WDR72: variants seen among roughly 807,000 people sequenced by gnomAD.
WDR72 encodes the protein WD repeat domain 72.
A neutral mutation model predicts 124.2 loss-of-function variants in WDR72; 120 were observed. The ratio of observed to expected loss-of-function variants is 0.97; its 90% CI spans 0.83 to 1.12. The LOEUF (loss-of-function observed/expected upper bound fraction) is 1.12, where lower values mean the gene tolerates loss of function less well. Ranked by LOEUF, WDR72 falls within the 50% of genes most tolerant of loss-of-function variation. The pLI, the probability that WDR72 is intolerant of heterozygous loss-of-function variation, is 0.00. For missense variants in WDR72, 1,387 were observed against 1,278.8 expected (o/e 1.08, Z -1.29); for synonymous variants, 452 against 441.7 (o/e 1.02, Z -0.29).
At chr15:53,692,008 G>A (rs969602311) in intron 13 of WDR72, among the ~76,000 whole-genome samples, 3 of 152,080 alleles carry the variant, frequency 2.0e-5, no homozygotes, top group Non-Finnish European at 4.4e-5. Context: ...ATAGAACAGT[G>A]AACCACACAG....
intron 14 of WDR72, among the ~76,000 whole-genome samples, chr15:53,619,264 T>TTGTGTGTGTGTGTGTGTGTGTG (rs3081256): frequency 8.9e-4 from 131 of 147,500 alleles, no homozygotes; most frequent in African/African-American, 2.6e-3. Flanking sequence ...TGCTTTATAA[T>TTGTGTGTGTGTGTGTGTGTGTG]TGTGTGTGTG....
intron 13 of WDR72, among the ~76,000 whole-genome samples, chr15:53,691,668 TAGA>T (rs2016849282): frequency 7.5e-6 from 1 of 133,554 alleles, no homozygotes; most frequent in Non-Finnish European, 1.6e-5. Context: ...GATAGATAGA[TAGA>T]TAGATGTTTA....
intron 13 of WDR72, among the ~76,000 whole-genome samples, chr15:53,676,619 C>A (rs1392686921): frequency 6.6e-6 from 1 of 152,164 alleles, no homozygotes; most frequent in Non-Finnish European, 1.5e-5. Flanking sequence ...TGCCAAGGAC[C>A]TGAATTAGTT....
chr15:53,653,302 T>G (rs2015305963), intron 14 of WDR72, among the ~76,000 whole-genome samples: 1 of 152,308 alleles, frequency 6.6e-6, no homozygotes, highest in East Asian at 1.9e-4. Flanking sequence ...AAAATAGGTT[T>G]ATCATAACTG....
chr15:53,711,004 C>T (rs748216630), intron 8 of WDR72, 51 bp from the exon 9 acceptor site: 15 of 1,494,738 alleles, frequency 1.0e-5, no homozygotes, highest in South Asian at 2.3e-5. Context: ...GTTCTTTATT[C>T]GTTTTTTTTC....
intron 18 of WDR72, among the ~76,000 whole-genome samples, chr15:53,534,163 A>C (rs1184636478): frequency 6.6e-6 from 1 of 152,114 alleles, no homozygotes; most frequent in African/African-American, 2.4e-5. Context: ...GACACCAGGA[A>C]ATTTATAGAT....
chr15:53,603,981 C>G (rs965467525), intron 17 of WDR72, among the ~76,000 whole-genome samples: 2 of 152,006 alleles, frequency 1.3e-5, no homozygotes, highest in Admixed American at 6.6e-5. Context: ...AAAAAACTAT[C>G]TTAAAATTCA....
chr15:53,520,673 T>G (rs1256366623), intron 19 of WDR72, among the ~76,000 whole-genome samples: 1 of 152,080 alleles, frequency 6.6e-6, no homozygotes, highest in Non-Finnish European at 1.5e-5. Context: ...ATGTGGTAAA[T>G]AGAGGTAACT....
In WDR72 at chr15:53,722,799, T is replaced by C. The variant is rs2017914105; in HGVS notation, c.260+3A>G. 6.2e-7 allele frequency: 1 copy of C among 1,612,810 alleles called. No homozygotes were observed. The highest frequency in any genetic ancestry group is 1.7e-5 in the Admixed American group (1 of 60,012). ...GGGGACAAAGTTTACATACCATACC[T>C]ACCCATTTTCAGCAGCACTAACAAT... On this transcript the variant is annotated splice_donor_region_variant and intron_variant, in intron 3 of 19. Transcript: ENST00000360509.
chr15:53,646,611 G>A (rs1412529248), intron 14 of WDR72, among the ~76,000 whole-genome samples: 1 of 152,090 alleles, frequency 6.6e-6, no homozygotes, highest in Non-Finnish European at 1.5e-5. Context: ...AGGGACCAAT[G>A]TATTCTCCCC....
chr15:53,740,672 G>A (rs1567059035), intron 1 of WDR72, among the ~76,000 whole-genome samples: 1 of 152,280 alleles, frequency 6.6e-6, no homozygotes, highest in East Asian at 1.9e-4. Context: ...TCCCTACAAT[G>A]CCTGAAGAAC....
intron 13 of WDR72, among the ~76,000 whole-genome samples, chr15:53,698,256 C>CA (rs943316026): frequency 5.3e-5 from 8 of 152,130 alleles, no homozygotes; most frequent in Non-Finnish European, 1.2e-4. Context: ...GGACCATAAA[C>CA]ACTCGTGAGT....
intron 18 of WDR72, among the ~76,000 whole-genome samples, chr15:53,583,587 C>A (rs2012045502): frequency 2.0e-5 from 3 of 152,002 alleles, no homozygotes; most frequent in African/African-American, 7.2e-5. Flanking sequence ...CAAAACATTT[C>A]TTTTTCTTCT....
chr15:53,644,214 C>T (rs1362078461), intron 14 of WDR72, among the ~76,000 whole-genome samples: 7 of 151,876 alleles, frequency 4.6e-5, no homozygotes, highest in South Asian at 2.1e-4. Context: ...CTCCCATATA[C>T]GACCGGAAAT....
intron 16 of WDR72, among the ~76,000 whole-genome samples, chr15:53,612,835 C>G (rs1247489888): frequency 6.6e-6 from 1 of 151,714 alleles, no homozygotes; most frequent in Non-Finnish European, 1.5e-5. Context: ...AGAATAGGAA[C>G]AGAGAGATGA....
rs571377348 is a variant in WDR72, at chr15:53,562,089, A to C, written c.3148+34990T>G. On this transcript the variant is annotated intron_variant, in intron 18 of 19. Coordinates refer to ENST00000360509, the MANE Select transcript of WDR72 (RefSeq NM_182758.4). ...CTTTTTAAGTAAATTTTCTCATTTAATGCTCAAAGCAATGTCAGTCTTCCT... is the reference window on the plus strand; with the variant it reads ...CTTTTTAAGTAAATTTTCTCATTTACTGCTCAAAGCAATGTCAGTCTTCCT... 5.7e-4 allele frequency among the ~76,000 whole-genome samples: 87 copies of C among 151,920 alleles called. 1 individual carries two copies. In the South Asian group the frequency reaches 9.1e-3, roughly 16 times the overall value.
intron 16 of WDR72, 70 bp downstream of exon 16, chr15:53,613,596 T>C (rs1803255026): frequency 1.0e-6 from 1 of 982,452 alleles, no homozygotes; most frequent in Admixed American, 1.7e-5. Context: ...TAACCAGTTA[T>C]AGAAAGACTA....
chr15:53,618,933 C>T (rs2013876821), intron 14 of WDR72, among the ~76,000 whole-genome samples: 1 of 151,910 alleles, frequency 6.6e-6, no homozygotes. Context: ...TCTTTCTGTA[C>T]CTCATGTGGG....
At chr15:53,633,245 T>A (rs940534672) in intron 14 of WDR72, among the ~76,000 whole-genome samples, 1 of 152,124 alleles carries the variant, frequency 6.6e-6, no homozygotes, top group Admixed American at 6.5e-5. Context: ...TGCATTCTCA[T>A]GAGATACGGT....
Sources: allele counts gnomAD v4.1 joint callset (sites outside exome capture counted in the v4.1 genomes callset), GRCh38; gene constraint gnomAD v4.1.1; transcripts MANE v1.5; gene names NCBI Gene and HGNC (gene_info 2026-07-23, HGNC 2026-07-21).